Variants in LASP1 observed in about 807,000 individuals in gnomAD.
LASP1 encodes LIM and SH3 protein 1, also known as LIM and SH3 domain protein 1.
Under a neutral mutation model 38.6 loss-of-function variants are expected in LASP1, and 10 were observed. That is an observed-to-expected ratio of 0.26 (90% CI 0.16 to 0.44). The LOEUF is 0.44. Among genes scored for constraint, LASP1 ranks in the 20% least tolerant of loss-of-function variants. The pLI is 1.00. For synonymous variants in LASP1, 132 were observed against 140.8 expected, an observed-to-expected ratio of 0.94 and a Z score of 0.44; for missense variants, 243 against 375.7, an observed-to-expected ratio of 0.65 and a Z score of 2.92.
At chr17:38,905,282 A>G (rs1555555816) in intron 4 of LASP1, among the ~76,000 whole-genome samples, 1 of 152,114 alleles carries the variant, frequency 6.6e-6, no homozygotes, top group Non-Finnish European at 1.5e-5. Flanking sequence ...TAATCCCAGC[A>G]CTTTGGGAGA....
At chr17:38,885,114 C>T (rs978090556) in intron 2 of LASP1, among the ~76,000 whole-genome samples, 2 of 152,284 alleles carry the variant, frequency 1.3e-5, no homozygotes, top group Non-Finnish European at 2.9e-5. Context: ...TTGTTTTGCA[C>T]CCAACCTGCC....
At chr17:38,892,998 T>C (rs111584533) in intron 3 of LASP1, among the ~76,000 whole-genome samples, 4,126 of 73,350 alleles carry the variant, frequency 0.056, 169 homozygotes, top group African/African-American at 0.12. Context: ...CACGCGTGTA[T>C]GTGTGTGTGT....
chr17:38,874,843 G>A (rs747017183), intron 1 of LASP1, among the ~76,000 whole-genome samples: 28 of 152,092 alleles, frequency 1.8e-4, no homozygotes, highest in Non-Finnish European at 3.7e-4. Context: ...CTTCCTCCGC[G>A]TGGCAGCCTG....
chr17:38,884,889 C>T (rs1914069974), intron 2 of LASP1, among the ~76,000 whole-genome samples: 1 of 151,994 alleles, frequency 6.6e-6, no homozygotes, highest in Admixed American at 6.6e-5. Context: ...CAGGGTTTTG[C>T]CACGTTGGCC....
intron 1 of LASP1, among the ~76,000 whole-genome samples, chr17:38,875,173 A>G (rs1056316252): frequency 2.6e-5 from 4 of 151,598 alleles, no homozygotes; most frequent in Admixed American, 2.6e-4. Context: ...GGGCCCAGGC[A>G]GGGGCCTAGG....
intron 3 of LASP1, among the ~76,000 whole-genome samples, chr17:38,891,576 A>C (rs1319732069): frequency 1.3e-5 from 2 of 152,126 alleles, no homozygotes; most frequent in Non-Finnish European, 2.9e-5. Flanking sequence ...AGAGGCAATA[A>C]TAATATTCAC....
intron 2 of LASP1, among the ~76,000 whole-genome samples, chr17:38,879,129 A>T (rs1034668748): frequency 6.8e-6 from 1 of 148,090 alleles, no homozygotes; most frequent in Non-Finnish European, 1.5e-5. Context: ...ATAAGTAATG[A>T]TGTAATGATA....
intron 4 of LASP1, among the ~76,000 whole-genome samples, chr17:38,906,022 C>T (rs974067126): frequency 2.0e-4 from 31 of 151,976 alleles, no homozygotes; most frequent in South Asian, 6.2e-4. Flanking sequence ...ATCACGCCAC[C>T]GCACTCCAGC....
chr17:38,895,173 T>A (rs1235956472), intron 3 of LASP1, among the ~76,000 whole-genome samples: 2 of 151,272 alleles, frequency 1.3e-5, no homozygotes, highest in Non-Finnish European at 1.5e-5. Flanking sequence ...TAGAGATTTT[T>A]ATTAATTTTT....
intron 2 of LASP1, among the ~76,000 whole-genome samples, chr17:38,879,801 A>G (rs1287016566): frequency 1.3e-5 from 2 of 151,924 alleles, no homozygotes; most frequent in Non-Finnish European, 2.9e-5. Context: ...GCCTGCTGCT[A>G]TAATACATAC....
At chr17:38,895,329 G>GT (rs935240079) in intron 3 of LASP1, among the ~76,000 whole-genome samples, 74 of 146,610 alleles carry the variant, frequency 5.0e-4, no homozygotes, top group East Asian at 2.4e-3. Flanking sequence ...TAATTTTTGT[G>GT]TTTTTTTTTT....
At position 38,898,459 on chromosome 17, in the gene LASP1, C is replaced by T. The variant is rs1378185889; in HGVS notation, c.297C>T (p.Ser99=). ...EFEKNKGKGF[S]VVADTPELQR... The stretch of plus-strand genomic sequence containing the variant: ...AGAAGAACAAGGGCAAAGGTTTCAG[C>T]GTAGTGGCAGACACGCCCGAGCTCC... The change falls in exon 4 of 7, where the codon AGC becomes AGT. Residue 99 remains serine, a synonymous_variant. Coordinates refer to ENST00000318008, the MANE Select transcript of LASP1 (RefSeq NM_006148.4). 5.8e-6 allele frequency: 9 copies of T among 1,551,590 alleles called. No individual in the cohort carries two copies. The Admixed American group carries it at 5.9e-5, about 10-fold the overall frequency.
intron 6 of LASP1, chr17:38,916,237 AG>A (rs1915121196): frequency 6.6e-6 from 1 of 152,360 alleles, no homozygotes; most frequent in Non-Finnish European, 1.5e-5. Flanking sequence ...GAAAGACAGC[AG>A]GGTGAGGGAT....
chr17:38,890,317 C>T, intron 2 of LASP1, 103 bp from the exon 3 acceptor site: 6 of 1,085,532 alleles, frequency 5.5e-6, no homozygotes, highest in Non-Finnish European at 8.3e-6. Context: ...AGGGCGTGCC[C>T]AAGCATAGGA....
intron 4 of LASP1, among the ~76,000 whole-genome samples, chr17:38,902,092 C>T (rs540721754): frequency 2.0e-5 from 3 of 150,916 alleles, no homozygotes; most frequent in East Asian, 2.0e-4. Flanking sequence ...GACAGGGTTT[C>T]GCTCCGTCAT....
chr17:38,870,151 G>A lies in LASP1; in HGVS notation c.-39G>A, dbSNP rs558156219. On this transcript the variant is annotated 5_prime_UTR_variant, in exon 1 of 7. In the 5' UTR this introduces an upstream ATG that the reference lacks. Coordinates refer to ENST00000318008, the MANE Select transcript of LASP1 (RefSeq NM_006148.4). ...GCTCGCCTCGGGGAACAGGACGCGC[G>A]TGAGCTCAGGCGTCCCCGCCCCAGC... The A allele has an allele frequency of 2.5e-6, 4 of 1,610,364 alleles. No individual in the cohort carries two copies. Among genetic ancestry groups the A allele is most frequent in the Non-Finnish European group, 3.4e-6 (4 of 1,178,926 alleles).
chr17:38,902,341 G>C (rs1402880723), intron 4 of LASP1, among the ~76,000 whole-genome samples: 1 of 150,800 alleles, frequency 6.6e-6, no homozygotes, highest in Non-Finnish European at 1.5e-5. Flanking sequence ...GATTATAGGG[G>C]TGAGCCACCT....
intron 6 of LASP1, chr17:38,915,636 T>C (rs1393618681): frequency 6.5e-6 from 1 of 152,772 alleles, no homozygotes; most frequent in East Asian, 1.9e-4. Context: ...CTCTTCGTGT[T>C]GGTCACCTTC....
chr17:38,890,566 G>A (rs977839240), intron 3 of LASP1, 62 bp downstream of exon 3: 16 of 1,485,888 alleles, frequency 1.1e-5, no homozygotes, highest in Middle Eastern at 1.7e-4. Context: ...AAGTTGTAAG[G>A]TCGGCATTTG....
Sources: allele counts gnomAD v4.1 joint callset (sites outside exome capture counted in the v4.1 genomes callset), GRCh38; gene constraint gnomAD v4.1.1; transcripts MANE v1.5; gene names NCBI Gene and HGNC (gene_info 2026-07-23, HGNC 2026-07-21).